Variants in KCNIP4 observed in about 807,000 individuals in gnomAD.
The protein encoded by KCNIP4 is Kv channel-interacting protein 4.
In KCNIP4, 12 loss-of-function variants were observed where a neutral mutation model predicts 34.0. The ratio of observed to expected loss-of-function variants is 0.35; its 90% confidence interval spans 0.23 to 0.57. The LOEUF (loss-of-function observed/expected upper bound fraction) is 0.57, where lower values mean the gene tolerates loss of function less well. KCNIP4 is among the 20% of genes least tolerant of loss of function. The pLI, the probability that KCNIP4 is intolerant of heterozygous loss-of-function variation, is 0.83. For missense variants in KCNIP4, 238 were observed against 311.7 expected (o/e 0.76, Z 1.78); for synonymous variants, 124 against 102.2 (o/e 1.21, Z -1.29).
intron 1 of KCNIP4, among the ~76,000 whole-genome samples, chr4:20,998,210 G>A (rs531989646): frequency 6.6e-6 from 1 of 152,300 alleles, no homozygotes; most frequent in East Asian, 1.9e-4. Flanking sequence ...TGAGATGTAA[G>A]GAGAACCTAG....
intron 3 of KCNIP4, among the ~76,000 whole-genome samples, chr4:20,759,822 C>A (rs999972703): frequency 5.3e-5 from 8 of 152,054 alleles, no homozygotes; most frequent in African/African-American, 1.9e-4. Context: ...TGGAGACTGA[C>A]AATCACATGA....
chr4:20,905,509 C>T (rs55786220), intron 1 of KCNIP4, among the ~76,000 whole-genome samples: 2,443 of 72,870 alleles, frequency 0.034, 127 homozygotes, highest in African/African-American at 0.096. Context: ...CGTTTTCTTT[C>T]TTTTTTTTTT....
chr4:21,397,492 C>T (rs2109538006), intron 1 of KCNIP4, among the ~76,000 whole-genome samples: 1 of 152,308 alleles, frequency 6.6e-6, no homozygotes, highest in South Asian at 2.1e-4. Context: ...CCACGGCACA[C>T]ATTTATCTAT....
intron 3 of KCNIP4, among the ~76,000 whole-genome samples, chr4:20,829,588 T>C (rs554311468): frequency 4.2e-4 from 64 of 152,276 alleles, no homozygotes; most frequent in Non-Finnish European, 7.4e-4. Context: ...CCTTGTAGGA[T>C]TTTTTTCTAT....
At chr4:21,010,774 C>A (rs1021010468) in intron 1 of KCNIP4, among the ~76,000 whole-genome samples, 1 of 152,104 alleles carries the variant, frequency 6.6e-6, no homozygotes, top group Non-Finnish European at 1.5e-5. Flanking sequence ...AATATTGAAA[C>A]ACAAGATATA....
chr4:20,967,826 C>A (rs901622065), intron 1 of KCNIP4, among the ~76,000 whole-genome samples: 1 of 152,118 alleles, frequency 6.6e-6, no homozygotes, highest in African/African-American at 2.4e-5. Flanking sequence ...CCGTAAAAAA[C>A]CTAGAAGAAA....
intron 1 of KCNIP4, among the ~76,000 whole-genome samples, chr4:21,004,124 G>A (rs1447946161): frequency 6.6e-6 from 1 of 152,134 alleles, no homozygotes; most frequent in Non-Finnish European, 1.5e-5. Flanking sequence ...ATGGATTTAA[G>A]GGGTGAGGAA....
chr4:21,150,130 C>A (rs1752654367), intron 1 of KCNIP4, among the ~76,000 whole-genome samples: 1 of 152,154 alleles, frequency 6.6e-6, no homozygotes, highest in Admixed American at 6.6e-5. Flanking sequence ...CACTTGCAGA[C>A]CCCTTGGAGA....
intron 1 of KCNIP4, among the ~76,000 whole-genome samples, chr4:21,394,889 T>C (rs1247682977): frequency 6.6e-6 from 1 of 152,166 alleles, no homozygotes; most frequent in Non-Finnish European, 1.5e-5. Context: ...CTCTCATGCT[T>C]TGGCATTCTT....
At position 21,714,785 on chromosome 4, in the gene KCNIP4, G is replaced by GATGATTTTATTTT. The variant is rs1553923853; in HGVS notation, c.61+233785_61+233786insAAAATAAAATCAT. Among the ~76,000 whole-genome samples, 3 of 43,388 alleles carry GATGATTTTATTTT rather than the reference G, an allele frequency of 6.9e-5. 1 individual carries two copies. The highest frequency in any genetic ancestry group is 1.1e-4 in the Non-Finnish European group (3 of 28,002). The allele number at this position is 43,388 out of a possible 152,430, so 28.5% of individuals were successfully genotyped here. ...AAGAATGTGTTAGTAATTTCCCTTTGATTATTTTATTTTATTTTATTTTAT... is the reference window on the plus strand; with the variant it reads ...AAGAATGTGTTAGTAATTTCCCTTTGATGATTTTATTTTATTATTTTATTTTATTTTATTTTAT... On this transcript the variant is annotated intron_variant, in intron 1 of 8. Coordinates refer to ENST00000382152, the MANE Select transcript of KCNIP4 (RefSeq NM_025221.6).
At chr4:20,791,271 A>T (rs1712718631) in intron 3 of KCNIP4, among the ~76,000 whole-genome samples, 1 of 152,202 alleles carries the variant, frequency 6.6e-6, no homozygotes, top group African/African-American at 2.4e-5. Context: ...GCTGAAAGAC[A>T]TAACTTACTA....
At chr4:21,564,506 T>G (rs1033630465) in intron 1 of KCNIP4, among the ~76,000 whole-genome samples, 2 of 152,158 alleles carry the variant, frequency 1.3e-5, no homozygotes, top group Non-Finnish European at 2.9e-5. Context: ...ACATTCAGTC[T>G]TCTGCTCATT....
chr4:21,136,920 T>G (rs1267863096), intron 1 of KCNIP4, among the ~76,000 whole-genome samples: 1 of 152,138 alleles, frequency 6.6e-6, no homozygotes, highest in Non-Finnish European at 1.5e-5. Flanking sequence ...CTCGTACCTT[T>G]TTATGATGCT....
chr4:21,187,102 G>C (rs1024318271), intron 1 of KCNIP4, among the ~76,000 whole-genome samples: 1 of 152,130 alleles, frequency 6.6e-6, no homozygotes, highest in Non-Finnish European at 1.5e-5. Flanking sequence ...CAGCAATATA[G>C]CAAGAAGTAA....
intron 1 of KCNIP4, among the ~76,000 whole-genome samples, chr4:20,925,044 T>C (rs73242569): frequency 0.046 from 6,980 of 152,248 alleles, 193 homozygotes; most frequent in Middle Eastern, 0.1. Context: ...TAACAACTTT[T>C]TTGAAATGTG....
intron 1 of KCNIP4, among the ~76,000 whole-genome samples, chr4:21,520,455 C>A (rs79481712): frequency 0.18 from 26,844 of 152,184 alleles, 2,772 homozygotes; most frequent in Middle Eastern, 0.27. Flanking sequence ...ATTAGTGCAG[C>A]TGGGATTTGA....
intron 1 of KCNIP4, among the ~76,000 whole-genome samples, chr4:21,944,834 A>G (rs1730413188): frequency 7.4e-6 from 1 of 134,762 alleles, no homozygotes; most frequent in Non-Finnish European, 1.6e-5. Flanking sequence ...CAGGACCTTT[A>G]ACCAAATGAA....
intron 1 of KCNIP4, among the ~76,000 whole-genome samples, chr4:21,483,516 G>A (rs1422355349): frequency 1.3e-5 from 2 of 152,076 alleles, no homozygotes; most frequent in Non-Finnish European, 2.9e-5. Context: ...TGGGCCGGGC[G>A]TGGTGGTGCA....
In KCNIP4 at chr4:20,948,615, G is replaced by A. The variant is rs78100813; in HGVS notation, c.62-65906C>T. ...TGGTGCAGCTTTGCTTAAGCACACC[G>A]TTCAGGACGTGGCCTGGGAGTCTCC... On this transcript the variant is annotated intron_variant, in intron 1 of 8. Coordinates refer to ENST00000382152, the MANE Select transcript of KCNIP4 (RefSeq NM_025221.6). Among the ~76,000 whole-genome samples the A allele has an allele frequency of 1.4e-4, 22 of 152,330 alleles. No homozygotes were observed. In the East Asian group the frequency reaches 2.7e-3, roughly 19 times the overall value.
Sources: gnomAD v4.1 joint callset for allele counts (sites outside exome capture counted in the v4.1 genomes callset) on GRCh38, gnomAD v4.1.1 for gene constraint, MANE v1.5 for transcripts, NCBI Gene and HGNC (gene_info 2026-07-23, HGNC 2026-07-21) for gene names.